TENM2: variants seen among roughly 807,000 people sequenced by gnomAD.
TENM2 encodes teneurin-2.
A neutral mutation model predicts 245.2 loss-of-function variants in TENM2; 52 were observed. The observed-to-expected ratio is 0.21, with a 90% CI of 0.17 to 0.27. The LOEUF is 0.27. TENM2 is among the 10% of genes least tolerant of loss of function. TENM2 has a pLI of 1.00. For missense variants in TENM2, 3,046 were observed against 3,666.8 expected (o/e 0.83, Z 4.37); for synonymous variants, 1,363 against 1,438.9 (o/e 0.95, Z 1.19).
At chr5:167,871,125 A>G (rs993407629) in intron 2 of TENM2, among the ~76,000 whole-genome samples, 3 of 152,146 alleles carry the variant, frequency 2.0e-5, no homozygotes, top group Admixed American at 1.3e-4. Context: ...TGGTTCTGTA[A>G]TTAAGACAAT....
the TENM2 span, among the ~76,000 whole-genome samples, chr5:167,053,353 T>G: frequency 1.3e-5 from 2 of 152,212 alleles, no homozygotes; most frequent in Non-Finnish European, 2.9e-5. Context: ...TATCTCAGAC[T>G]CGGAAGCACT....
intron 2 of TENM2, among the ~76,000 whole-genome samples, chr5:167,794,793 G>A (rs778632717): frequency 3.3e-5 from 5 of 152,176 alleles, no homozygotes; most frequent in Non-Finnish European, 5.9e-5. Context: ...CTTAAAGCAC[G>A]TTACTAATGC....
the TENM2 span, among the ~76,000 whole-genome samples, chr5:166,985,608 C>T: frequency 5.9e-5 from 9 of 152,122 alleles, no homozygotes; most frequent in Admixed American, 2.0e-4. Context: ...TCAGATGAAA[C>T]CAATTACTAA....
chr5:167,505,192 G>T (rs914037587), intron 2 of TENM2, among the ~76,000 whole-genome samples: 4 of 152,048 alleles, frequency 2.6e-5, no homozygotes, highest in Non-Finnish European at 5.9e-5. Context: ...AGCTGCCTCG[G>T]TATCATTATG....
intron 2 of TENM2, among the ~76,000 whole-genome samples, chr5:167,863,866 G>T (rs1772066693): frequency 6.6e-6 from 1 of 152,104 alleles, no homozygotes; most frequent in Admixed American, 6.5e-5. Flanking sequence ...AGGCAATGAT[G>T]TTCGAACAAT....
intron 2 of TENM2, among the ~76,000 whole-genome samples, chr5:167,731,345 A>C (rs970898445): frequency 5.3e-5 from 8 of 152,042 alleles, no homozygotes; most frequent in Non-Finnish European, 1.0e-4. Context: ...GCACCTGCTG[A>C]GTGAGATTTT....
At chr5:167,584,118 A>G (rs1261855872) in intron 2 of TENM2, among the ~76,000 whole-genome samples, 1 of 152,188 alleles carries the variant, frequency 6.6e-6, no homozygotes, top group African/African-American at 2.4e-5. Context: ...GGTCCTGACT[A>G]CAAGTCATTC....
At chr5:167,548,105 A>G (rs191377669) in intron 2 of TENM2, among the ~76,000 whole-genome samples, 6 of 152,358 alleles carry the variant, frequency 3.9e-5, no homozygotes, top group Non-Finnish European at 7.3e-5. Flanking sequence ...ATACATTTGT[A>G]AAATGACTAG....
rs191411795 is a variant in TENM2, at chr5:167,635,572, T to G, written c.503-240414T>G. Among the ~76,000 whole-genome samples, 169 of 151,262 alleles carry G rather than the reference T, an allele frequency of 1.1e-3. 1 individual carries two copies. Among genetic ancestry groups the G allele is most frequent in the Non-Finnish European group, 4.6e-4 (31 of 67,918 alleles). On this transcript the variant is annotated intron_variant, in intron 2 of 28. Coordinates refer to ENST00000518659, the Ensembl canonical transcript of TENM2. ...TGTATTGCCACTTTGTCTCAAAACA[T>G]TCTCTGAAATATCATCCTAATTTCC...
chr5:167,160,444 G>T, the TENM2 span, among the ~76,000 whole-genome samples: 11 of 152,252 alleles, frequency 7.2e-5, no homozygotes, highest in Non-Finnish European at 1.6e-4. Flanking sequence ...GATGAAGGAA[G>T]ATATACCTTG....
At chr5:167,933,516 C>G (rs1451830196) in intron 3 of TENM2, among the ~76,000 whole-genome samples, 3 of 152,184 alleles carry the variant, frequency 2.0e-5, no homozygotes, top group Non-Finnish European at 4.4e-5. Flanking sequence ...ATTATGCTCT[C>G]TTTAAAAATG....
chr5:168,216,077 T>C (rs1389132300), intron 21 of TENM2, among the ~76,000 whole-genome samples: 1 of 152,092 alleles, frequency 6.6e-6, no homozygotes, highest in Non-Finnish European at 1.5e-5. Context: ...CATCTGAGAG[T>C]CCAATTCCTG....
At chr5:168,073,436 G>A (rs939014077) in intron 7 of TENM2, among the ~76,000 whole-genome samples, 67 of 152,180 alleles carry the variant, frequency 4.4e-4, no homozygotes, top group Admixed American at 4.4e-3. Context: ...CTTGTTGTGT[G>A]GGCTGTGTTG....
chr5:167,651,281 TACTC>T (rs1457883453), intron 2 of TENM2, among the ~76,000 whole-genome samples: 2 of 152,120 alleles, frequency 1.3e-5, no homozygotes. Flanking sequence ...AGGTAAGTGA[TACTC>T]AACCTCAGAA....
rs533811947 is a variant in TENM2, at chr5:167,514,142, G to A, written c.502+138669G>A. Among the ~76,000 whole-genome samples the A allele has an allele frequency of 2.6e-5, 4 of 152,234 alleles. No homozygotes were observed. The South Asian group carries it at 6.2e-4, about 24-fold the overall frequency. ...ATAGGACATTTTAACTTACAGAATC[G>A]CAATATTCCCTTTTGTTCATTGCAA... On this transcript the variant is annotated intron_variant, in intron 2 of 28. Transcript: ENST00000518659.
intron 2 of TENM2, among the ~76,000 whole-genome samples, chr5:167,397,688 A>C (rs916089008): frequency 2.6e-5 from 4 of 152,172 alleles, no homozygotes; most frequent in Non-Finnish European, 4.4e-5. Context: ...ATAGGGTACA[A>C]GATACTGTTT....
chr5:167,730,509 TG>T (rs1760347231), intron 2 of TENM2, among the ~76,000 whole-genome samples: 2 of 152,144 alleles, frequency 1.3e-5, no homozygotes, highest in Non-Finnish European at 2.9e-5. Context: ...TAGGGCTTTT[TG>T]TGAATAGATG....
chr5:167,960,867 A>C (rs2151884410), intron 4 of TENM2, among the ~76,000 whole-genome samples: 1 of 152,344 alleles, frequency 6.6e-6, no homozygotes, highest in East Asian at 1.9e-4. Context: ...TGGGTTGTTA[A>C]GACAGTGGGA....
chr5:168,170,425 A>G (rs1758700627), intron 13 of TENM2, among the ~76,000 whole-genome samples: 1 of 151,974 alleles, frequency 6.6e-6, no homozygotes, highest in Non-Finnish European at 1.5e-5. Context: ...AATCGCTTGA[A>G]CCCAGGAGGC....
Sources: gnomAD v4.1 joint callset for allele counts (sites outside exome capture counted in the v4.1 genomes callset) on GRCh38, gnomAD v4.1.1 for gene constraint, MANE v1.5 for transcripts, NCBI Gene and HGNC (gene_info 2026-07-23, HGNC 2026-07-21) for gene names.